The following SPATA6L variants were observed in gnomAD, a reference collection of about 807,000 sequenced individuals.
The protein encoded by SPATA6L is spermatogenesis associated 6 like, also known as spermatogenesis associated 6-like protein.
SPATA6L carries 68 observed loss-of-function variants against 49.2 expected under a neutral mutation model. The ratio of observed to expected loss-of-function variants is 1.38; its 90% CI spans 1.14 to 1.69. The LOEUF (loss-of-function observed/expected upper bound fraction) is 1.69, where lower values mean the gene tolerates loss of function less well. Among genes scored for constraint, SPATA6L ranks in the 40% most tolerant of loss-of-function variants. The pLI is 0.00. For missense variants in SPATA6L, 668 were observed against 464.3 expected, an observed-to-expected ratio of 1.44 and a Z score of -4.03; for synonymous variants, 198 against 165.7, an observed-to-expected ratio of 1.19 and a Z score of -1.50.
chr9:4,662,658 A>T lies in SPATA6L; in HGVS notation c.40-622T>A. 1.3e-6 allele frequency: 2 copies of T among 1,599,842 alleles called. No homozygotes were observed. The highest frequency in any genetic ancestry group is 2.2e-5 in the South Asian group (2 of 91,056). On this transcript the variant is annotated intron_variant, in intron 1 of 11. Coordinates refer to ENST00000682582, the MANE Select transcript of SPATA6L (RefSeq NM_001353486.2). This position sits in a 1 kb window ranked among gnomAD's most constrained non-coding sequence, Gnocchi z 4.9. Reference sequence around the variant, plus strand: ...GCCCGAGGAGGACCGCATGGACTTGAACCCGTCCTTCCTGGGCATCGCCCT... The same window carrying T: ...GCCCGAGGAGGACCGCATGGACTTGTACCCGTCCTTCCTGGGCATCGCCCT...
chr9:4,632,317 C>T (rs1050491398), intron 4 of SPATA6L, among the ~76,000 whole-genome samples: 5 of 151,884 alleles, frequency 3.3e-5, no homozygotes, highest in Non-Finnish European at 5.9e-5. Context: ...AGCTGAAGGC[C>T]GGGCACAGTG....
intron 3 of SPATA6L, among the ~76,000 whole-genome samples, chr9:4,645,281 T>C (rs1482881532): frequency 2.0e-5 from 3 of 152,214 alleles, no homozygotes; most frequent in Non-Finnish European, 4.4e-5. Context: ...CAAAACAGCA[T>C]TATTTATAAC....
At chr9:4,594,012 T>C (rs1048251139), downstream of SPATA6L, among the ~76,000 whole-genome samples, 3 of 152,208 alleles carry the variant, frequency 2.0e-5, no homozygotes, top group African/African-American at 7.2e-5. Context: ...TTAACAAAAA[T>C]GTGTATCCAC....
intron 3 of SPATA6L, among the ~76,000 whole-genome samples, chr9:4,646,920 G>C (rs1178544833): frequency 6.6e-6 from 1 of 152,100 alleles, no homozygotes; most frequent in East Asian, 1.9e-4. Context: ...GCCTACTTGA[G>C]GGTGAAGGGT....
At chr9:4,656,174 C>T (rs1421598332) in intron 2 of SPATA6L, 85 bp from the exon 3 acceptor site, 2 of 1,126,984 alleles carry the variant, frequency 1.8e-6, no homozygotes, top group African/African-American at 3.1e-5. Flanking sequence ...TGCAGTAGCT[C>T]ACACCTGTAA....
At chr9:4,611,794 A>G (rs948734699) in intron 9 of SPATA6L, among the ~76,000 whole-genome samples, 24 of 150,686 alleles carry the variant, frequency 1.6e-4, no homozygotes, top group African/African-American at 5.8e-4. Context: ...AACTTAAAGT[A>G]TAATAATAAA....
chr9:4,660,886 A>G (rs1372076837), intron 2 of SPATA6L, among the ~76,000 whole-genome samples: 2 of 152,242 alleles, frequency 1.3e-5, no homozygotes, highest in East Asian at 3.9e-4. Context: ...TTGTAGGGAC[A>G]TGGATGAAGC....
chr9:4,614,064 T>C (rs1019619031), intron 9 of SPATA6L, among the ~76,000 whole-genome samples: 2 of 152,220 alleles, frequency 1.3e-5, no homozygotes, highest in African/African-American at 4.8e-5. Flanking sequence ...ATTTTACATT[T>C]GAAGATCTCA....
At chr9:4,615,769 G>A (rs1386625730) in intron 9 of SPATA6L, among the ~76,000 whole-genome samples, 1 of 152,124 alleles carries the variant, frequency 6.6e-6, no homozygotes, top group Non-Finnish European at 1.5e-5. Flanking sequence ...GGTGTCCATT[G>A]CCCCCAACAG....
chr9:4,662,702 C>A lies in SPATA6L; in HGVS notation c.40-666G>T, dbSNP rs973526061. 2 of 1,601,568 alleles carry A rather than the reference C, an allele frequency of 1.2e-6. No homozygotes were observed. Among genetic ancestry groups the A allele is most frequent in the Non-Finnish European group, 1.7e-6 (2 of 1,179,880 alleles). The stretch of plus-strand genomic sequence containing the variant: ...TCGCCCTGCGCTCCCTGCTGGCCAT[C>A]GACCTGTGGCTGTCCAAGAAGCTGG... On this transcript the variant is annotated intron_variant, in intron 1 of 11. Coordinates refer to ENST00000682582, the MANE Select transcript of SPATA6L (RefSeq NM_001353486.2). The surrounding 1 kb of genome is among the most constrained non-coding windows in gnomAD (Gnocchi z 4.9).
chr9:4,626,216 G>A (rs1264660611), intron 5 of SPATA6L: 1 of 279,648 alleles, frequency 3.6e-6, no homozygotes, highest in Non-Finnish European at 6.2e-6. Context: ...CGCCTTAACA[G>A]CTGCAAATGG....
chr9:4,642,562 T>A (rs562394620), intron 3 of SPATA6L, among the ~76,000 whole-genome samples: 3 of 152,316 alleles, frequency 2.0e-5, no homozygotes, highest in African/African-American at 7.2e-5. Flanking sequence ...CTGGGTTCAC[T>A]GCACTTCACT....
intron 13 of SPATA6L, among the ~76,000 whole-genome samples, chr9:4,591,713 T>G (rs1821911250): frequency 6.6e-6 from 1 of 152,202 alleles, no homozygotes; most frequent in Non-Finnish European, 1.5e-5. Context: ...AAGGGCCAGT[T>G]AAATTAGAAA....
rs1412295188 is a variant in SPATA6L, at chr9:4,605,394, C to T, written c.1042G>A (p.Val348Ile). The change falls in exon 10 of 12, where the codon GTA becomes ATA. Residue 348 changes from valine (V) to isoleucine (I), a missense_variant. Val to Ile is a conservative substitution (Grantham distance 29). Coordinates refer to ENST00000682582, the MANE Select transcript of SPATA6L (RefSeq NM_001353486.2). ...CTGTGGGATGTCAGAAGACTGCATA[C>T]CCTCTCATGGATATTCTTCCATGTG... ...QSTWKNIHER[V>I]CSLLTSHRAQ... 1.9e-6 allele frequency: 3 copies of T among 1,613,986 alleles called. No homozygotes were observed. The highest frequency in any genetic ancestry group is 1.7e-6 in the Non-Finnish European group (2 of 1,180,008).
chr9:4,630,058 G>C (rs920229556), intron 4 of SPATA6L, among the ~76,000 whole-genome samples: 3 of 151,914 alleles, frequency 2.0e-5, no homozygotes, highest in African/African-American at 7.2e-5. Flanking sequence ...GTCTCAAAAG[G>C]TTACAGACTG....
intron 4 of SPATA6L, chr9:4,633,759 A>G (rs1323871837): frequency 6.6e-6 from 1 of 152,316 alleles, no homozygotes; most frequent in Admixed American, 6.5e-5. Context: ...TTCTGAGTCC[A>G]GTCAAAAATA....
At chr9:4,655,585 G>A (rs969800671) in intron 3 of SPATA6L, among the ~76,000 whole-genome samples, 5 of 148,604 alleles carry the variant, frequency 3.4e-5, no homozygotes, top group African/African-American at 1.0e-4. Context: ...GTCTTGCTCT[G>A]CCACCCAGTC....
intron 5 of SPATA6L, 129 bp downstream of exon 5, chr9:4,628,962 T>G (rs1830883195): frequency 1.5e-6 from 1 of 663,288 alleles, no homozygotes. Flanking sequence ...ACAAACCTAG[T>G]AAAAACTTTC....
chr9:4,611,136 AGTCAGGAAAC>A (rs1457292634), intron 9 of SPATA6L, among the ~76,000 whole-genome samples: 2 of 148,612 alleles, frequency 1.3e-5, no homozygotes, highest in Non-Finnish European at 2.9e-5. Context: ...ATCATTAAAA[AGTCAGGAAAC>A]AACAGGTGCT....
Sources: gnomAD v4.1 joint callset for allele counts (sites outside exome capture counted in the v4.1 genomes callset) on GRCh38, gnomAD v4.1.1 for gene constraint, Gnocchi (gnomAD v3.1) non-coding constraint, MANE v1.5 for transcripts, NCBI Gene and HGNC (gene_info 2026-07-23, HGNC 2026-07-21) for gene names.